SYT9: variants seen among roughly 807,000 people sequenced by gnomAD.
SYT9 encodes the protein synaptotagmin 9.
SYT9 carries 22 observed loss-of-function variants against 48.4 expected under a neutral mutation model. That is an observed-to-expected ratio of 0.45 (90% CI 0.32 to 0.65). The LOEUF is 0.65. SYT9 is among the 30% of genes least tolerant of loss of function. The pLI is 0.03. For missense variants in SYT9, 577 were observed against 622.0 expected (o/e 0.93, Z 0.77); for synonymous variants, 265 against 245.0 (o/e 1.08, Z -0.76).
chr11:7,314,966 C>T (rs887552119), intron 3 of SYT9, among the ~76,000 whole-genome samples: 4 of 152,214 alleles, frequency 2.6e-5, no homozygotes, highest in African/African-American at 9.6e-5. Flanking sequence ...CACCAGTACC[C>T]TCTTATCCTC....
intron 1 of SYT9, among the ~76,000 whole-genome samples, chr11:7,284,323 A>G (rs918547682): frequency 6.6e-6 from 1 of 152,182 alleles, no homozygotes; most frequent in South Asian, 2.1e-4. Flanking sequence ...GGTTAGGTAC[A>G]TTAGTTTCCC....
intron 3 of SYT9, among the ~76,000 whole-genome samples, chr11:7,346,955 G>T (rs918253094): frequency 2.1e-4 from 32 of 152,148 alleles, no homozygotes; most frequent in Non-Finnish European, 3.5e-4. Flanking sequence ...TTTAAGTAAG[G>T]AAACTAAACA....
At chr11:7,402,180 T>C (rs936829899) in intron 3 of SYT9, among the ~76,000 whole-genome samples, 3 of 152,078 alleles carry the variant, frequency 2.0e-5, no homozygotes, top group African/African-American at 7.2e-5. Context: ...TTTCATTTCA[T>C]TCTTGACAAA....
chr11:7,271,295 C>A (rs190060629), intron 1 of SYT9, among the ~76,000 whole-genome samples: 19 of 152,224 alleles, frequency 1.2e-4, no homozygotes, highest in African/African-American at 4.6e-4. Flanking sequence ...TCTGCACTCC[C>A]AGAAGTTAAC....
At chr11:7,399,909 T>G (rs957774865) in intron 3 of SYT9, among the ~76,000 whole-genome samples, 2 of 152,234 alleles carry the variant, frequency 1.3e-5, no homozygotes, top group Non-Finnish European at 2.9e-5. Context: ...CACAAACATT[T>G]TATACCAGTA....
chr11:7,325,542 A>G (rs1360336921), intron 3 of SYT9, among the ~76,000 whole-genome samples: 1 of 8,738 alleles, frequency 1.1e-4, no homozygotes, highest in Admixed American at 1.2e-3. Context: ...TAGATATACA[A>G]TCATGTCGTC....
chr11:7,255,761 T>G (rs1021338961), intron 1 of SYT9, among the ~76,000 whole-genome samples: 1 of 152,168 alleles, frequency 6.6e-6, no homozygotes, highest in African/African-American at 2.4e-5. Flanking sequence ...ATGAGGTTTA[T>G]TTTTTATTTT....
At chr11:7,343,258 T>A (rs1427762852) in intron 3 of SYT9, among the ~76,000 whole-genome samples, 1 of 152,226 alleles carries the variant, frequency 6.6e-6, no homozygotes, top group African/African-American at 2.4e-5. Context: ...TTTTCTTTTC[T>A]ATTGCATGGT....
chr11:7,393,598 C>T (rs910721767), intron 3 of SYT9, among the ~76,000 whole-genome samples: 1 of 152,132 alleles, frequency 6.6e-6, no homozygotes, highest in East Asian at 1.9e-4. Context: ...ATTTTGGTGT[C>T]AGGATGATAC....
At chr11:7,433,445 G>A (rs1035162804) in intron 6 of SYT9, among the ~76,000 whole-genome samples, 1 of 152,176 alleles carries the variant, frequency 6.6e-6, no homozygotes, top group Non-Finnish European at 1.5e-5. Flanking sequence ...GCTTAATGAA[G>A]TCCTGGAAAT....
intron 6 of SYT9, among the ~76,000 whole-genome samples, chr11:7,430,692 T>A (rs1198914667): frequency 1.3e-5 from 2 of 151,968 alleles, no homozygotes; most frequent in Non-Finnish European, 2.9e-5. Context: ...TGATAGTGAG[T>A]TCTTGCAAGA....
intron 2 of SYT9, among the ~76,000 whole-genome samples, chr11:7,306,069 A>G (rs1473041259): frequency 2.0e-5 from 3 of 152,174 alleles, no homozygotes; most frequent in East Asian, 1.9e-4. Flanking sequence ...TTCAGTGACT[A>G]TTAGTACCAT....
intron 3 of SYT9, among the ~76,000 whole-genome samples, chr11:7,346,880 G>T (rs1035686158): frequency 1.3e-5 from 2 of 152,156 alleles, no homozygotes; most frequent in Non-Finnish European, 2.9e-5. Flanking sequence ...CTCTGTCCAT[G>T]GTTCTTCACT....
Position 7,468,744 on chromosome 11 carries a change from T to C in SYT9, c.*1944T>C, listed in dbSNP as rs1187464835. Reference sequence around the variant, plus strand: ...GATCCTGAGGCAGCTGTGCCTACTGTTCCCCACCTCAGAAGCTTCCTGCCC... The same window carrying C: ...GATCCTGAGGCAGCTGTGCCTACTGCTCCCCACCTCAGAAGCTTCCTGCCC... On this transcript the variant is annotated 3_prime_UTR_variant, in exon 7 of 7. Coordinates refer to ENST00000318881, the MANE Select transcript of SYT9 (RefSeq NM_175733.4). 1 of 155,196 alleles carries C rather than the reference T, an allele frequency of 6.4e-6. No individual in the cohort carries two copies. Among genetic ancestry groups the C allele is most frequent in the Admixed American group, 6.5e-5 (1 of 15,356 alleles). The allele number at this position is 155,196 out of a possible 1,614,324, so 9.6% of individuals were successfully genotyped here.
intron 3 of SYT9, among the ~76,000 whole-genome samples, chr11:7,365,076 T>C (rs894743980): frequency 1.3e-5 from 2 of 152,136 alleles, no homozygotes; most frequent in Non-Finnish European, 2.9e-5. Flanking sequence ...CCCGCACATA[T>C]TCTGCCTTCA....
intron 1 of SYT9, among the ~76,000 whole-genome samples, chr11:7,291,251 T>C (rs1300539981): frequency 6.6e-6 from 1 of 151,888 alleles, no homozygotes; most frequent in Admixed American, 6.6e-5. Context: ...TGGAGGAGAG[T>C]AGATTTGCAA....
Position 7,419,628 on chromosome 11 carries a change from A to G in SYT9, c.1338-878A>G, listed in dbSNP as rs141565407. Among the ~76,000 whole-genome samples, 947 of 152,192 alleles carry G rather than the reference A, an allele frequency of 6.2e-3. 3 individuals are homozygous for G. Among genetic ancestry groups the G allele is most frequent in the African/African-American group, 0.02 (836 of 41,530 alleles). ...AATATTAGCCTTGGCCGGGCATGGT[A>G]TCTCACACCTGTAATCCCAGCACTT... is the stretch of plus-strand genomic sequence containing the variant. On this transcript the variant is annotated intron_variant, in intron 5 of 6. Transcript: ENST00000318881.
chr11:7,253,400 A>G (rs1358531994), intron 1 of SYT9, among the ~76,000 whole-genome samples: 1 of 152,238 alleles, frequency 6.6e-6, no homozygotes, highest in Non-Finnish European at 1.5e-5. Flanking sequence ...ATTGAAAACA[A>G]TTTATTATAT....
At chr11:7,387,794 T>A (rs1379909628) in intron 3 of SYT9, among the ~76,000 whole-genome samples, 5 of 152,204 alleles carry the variant, frequency 3.3e-5, no homozygotes, top group African/African-American at 1.2e-4. Context: ...AAGTTATCTC[T>A]TTATTCTCTT....
Sources: gnomAD v4.1 joint callset for allele counts (sites outside exome capture counted in the v4.1 genomes callset) on GRCh38, gnomAD v4.1.1 for gene constraint, MANE v1.5 for transcripts, NCBI Gene and HGNC (gene_info 2026-07-23, HGNC 2026-07-21) for gene names.